The following PSD3 variants were observed in gnomAD, a reference collection of about 807,000 sequenced individuals.
PSD3 encodes the protein PH and SEC7 domain-containing protein 3.
A neutral mutation model predicts 105.5 loss-of-function variants in PSD3; 49 were observed. The ratio of observed to expected loss-of-function variants is 0.46; its 90% confidence interval spans 0.37 to 0.59. PSD3 has a LOEUF of 0.59. Ranked by LOEUF, PSD3 falls within the 20% of genes least tolerant of loss-of-function variation. The probability of loss-of-function intolerance (pLI) is 0.00; values close to 1 mark genes in which losing one functional copy is unlikely to be tolerated. For missense variants in PSD3, 1,561 were observed against 1,263.8 expected (o/e 1.24, Z -3.57); for synonymous variants, 557 against 457.8 (o/e 1.22, Z -2.77).
At chr8:19,025,384 C>T (rs1351769528) in intron 1 of PSD3, among the ~76,000 whole-genome samples, 1 of 151,562 alleles carries the variant, frequency 6.6e-6, no homozygotes, top group African/African-American at 2.4e-5. Flanking sequence ...ATGACTCACT[C>T]TCTTGAGTAC....
chr8:18,600,798 T>C (rs558542240), intron 11 of PSD3, among the ~76,000 whole-genome samples: 6 of 152,248 alleles, frequency 3.9e-5, no homozygotes, highest in South Asian at 4.1e-4. Context: ...TGGAAATACA[T>C]AGCAATCCAA....
intron 15 of PSD3, among the ~76,000 whole-genome samples, chr8:18,541,016 C>T (rs992916968): frequency 3.3e-5 from 5 of 152,004 alleles, no homozygotes; most frequent in African/African-American, 9.7e-5. Context: ...CCCTCCCTCA[C>T]CTCTTTCAGG....
intron 1 of PSD3, among the ~76,000 whole-genome samples, chr8:19,059,926 T>A (rs1385216016): frequency 6.6e-6 from 1 of 152,188 alleles, no homozygotes; most frequent in African/African-American, 2.4e-5. Flanking sequence ...GAGAGCTGCA[T>A]CCCCAGCAAT....
chr8:18,546,652 C>G (rs1401694504), intron 15 of PSD3, among the ~76,000 whole-genome samples: 1 of 152,160 alleles, frequency 6.6e-6, no homozygotes, highest in Admixed American at 6.5e-5. Flanking sequence ...TATTTAAGAT[C>G]TATTATCCTC....
intron 14 of PSD3, among the ~76,000 whole-genome samples, chr8:18,565,615 T>G (rs575260262): frequency 2.0e-4 from 31 of 152,356 alleles, no homozygotes; most frequent in African/African-American, 7.5e-4. Context: ...CCCACACTGT[T>G]TATCTTTCTT....
intron 4 of PSD3, among the ~76,000 whole-genome samples, chr8:18,818,613 G>A (rs1812421227): frequency 6.6e-6 from 1 of 151,970 alleles, no homozygotes; most frequent in South Asian, 2.1e-4. Context: ...AGGACAATCT[G>A]CTCTGCAAAT....
chr8:19,074,766 G>A (rs571188394), intron 1 of PSD3, among the ~76,000 whole-genome samples: 55 of 150,198 alleles, frequency 3.7e-4, no homozygotes, highest in African/African-American at 1.3e-3. Flanking sequence ...GACTACAAGC[G>A]CCCACCACCA....
intron 9 of PSD3, among the ~76,000 whole-genome samples, chr8:18,689,721 G>C (rs1291817102): frequency 6.6e-6 from 1 of 152,184 alleles, no homozygotes; most frequent in East Asian, 1.9e-4. Flanking sequence ...GCAGGGGCTT[G>C]CCAAGATTTT....
intron 15 of PSD3, among the ~76,000 whole-genome samples, chr8:18,541,380 AG>A (rs1266923806): frequency 2.6e-5 from 4 of 152,202 alleles, no homozygotes; most frequent in Non-Finnish European, 4.4e-5. Flanking sequence ...TGGCAAATCC[AG>A]AAAAAGAAAA....
chr8:18,614,856 G>T (rs571412788), intron 11 of PSD3, among the ~76,000 whole-genome samples: 12 of 151,032 alleles, frequency 7.9e-5, no homozygotes, highest in African/African-American at 2.7e-4. Flanking sequence ...GGCTGGTCTC[G>T]AACTGCTGGG....
chr8:18,665,898 C>A (rs1799424737), intron 9 of PSD3, among the ~76,000 whole-genome samples: 1 of 152,174 alleles, frequency 6.6e-6, no homozygotes. Flanking sequence ...TAATTACTGC[C>A]TTTTCAGAAA....
chr8:18,539,531 G>C (rs975391613), intron 15 of PSD3, among the ~76,000 whole-genome samples: 1 of 150,606 alleles, frequency 6.6e-6, no homozygotes, highest in Admixed American at 6.6e-5. Context: ...GCAGCAAGAA[G>C]TATATTAGTA....
intron 1 of PSD3, among the ~76,000 whole-genome samples, chr8:18,956,006 G>A (rs1478281744): frequency 2.0e-5 from 3 of 152,052 alleles, no homozygotes; most frequent in Non-Finnish European, 4.4e-5. Flanking sequence ...GACCTCAGGT[G>A]ATCCACCTGC....
intron 9 of PSD3, among the ~76,000 whole-genome samples, chr8:18,666,307 T>A (rs1011407677): frequency 2.0e-5 from 3 of 152,204 alleles, no homozygotes; most frequent in African/African-American, 7.2e-5. Flanking sequence ...CGCTTTGGCA[T>A]CCCAAAGTTC....
intron 4 of PSD3, among the ~76,000 whole-genome samples, chr8:18,842,316 C>T (rs1034945090): frequency 1.3e-5 from 2 of 152,164 alleles, no homozygotes; most frequent in South Asian, 2.1e-4. Context: ...AACCCTTTTG[C>T]GCTGTAGAGA....
chr8:18,804,649 A>G (rs757220785), intron 5 of PSD3, 47 bp from the exon 6 acceptor site: 1 of 1,611,396 alleles, frequency 6.2e-7, no homozygotes, highest in Non-Finnish European at 8.5e-7. Context: ...TAAACTATTT[A>G]AAACACACAC....
chr8:18,614,505 A>G (rs911547565), intron 11 of PSD3, among the ~76,000 whole-genome samples: 1 of 152,096 alleles, frequency 6.6e-6, no homozygotes, highest in African/African-American at 2.4e-5. Context: ...GATTATTCCA[A>G]TAAGACATTG....
At chr8:18,658,078 T>C (rs970676852) in intron 9 of PSD3, among the ~76,000 whole-genome samples, 15 of 152,188 alleles carry the variant, frequency 9.9e-5, no homozygotes, top group East Asian at 1.9e-4. Flanking sequence ...TTATAAATCA[T>C]CTTGCCGAAT....
intron 12 of PSD3, among the ~76,000 whole-genome samples, chr8:18,588,379 G>A (rs1289934315): frequency 1.3e-5 from 2 of 152,148 alleles, no homozygotes; most frequent in African/African-American, 4.8e-5. Context: ...AAGGTTTCCA[G>A]GAACATATAT....
Sources: gnomAD v4.1 joint callset for allele counts (sites outside exome capture counted in the v4.1 genomes callset) on GRCh38, gnomAD v4.1.1 for gene constraint, MANE v1.5 for transcripts, NCBI Gene and HGNC (gene_info 2026-07-23, HGNC 2026-07-21) for gene names.